CCND3: variants seen among roughly 807,000 people sequenced by gnomAD.
CCND3 encodes cyclin D3.
A neutral mutation model predicts 28.7 loss-of-function variants in CCND3; 9 were observed. That is an observed-to-expected ratio of 0.31 (90% CI 0.19 to 0.55). The LOEUF is 0.55. Among genes scored for constraint, CCND3 ranks in the 20% least tolerant of loss-of-function variants. The pLI, the probability that CCND3 is intolerant of heterozygous loss-of-function variation, is 0.93. For missense variants in CCND3, 315 were observed against 385.8 expected (o/e 0.82, Z 1.54); for synonymous variants, 164 against 163.9 (o/e 1.00, Z 0.00).
intron 1 of CCND3, among the ~76,000 whole-genome samples, chr6:42,043,991 C>T (rs1299040067): frequency 6.6e-6 from 1 of 152,232 alleles, no homozygotes; most frequent in East Asian, 1.9e-4. Flanking sequence ...GTGTCATGCC[C>T]TCTGAAGGGC....
rs149279084 is a variant in CCND3 at position 41,937,309 on chromosome 6, C to T, written c.500G>A (p.Arg167Gln). Residue 167 changes from arginine (R) to glutamine (Q), a missense_variant, in exon 3 of 5, where the codon CGG becomes CAG. Transcript: ENST00000372991. Reference protein sequence around the residue: ...AHDFLAFILHRLSLPRDRQAL... With the variant: ...AHDFLAFILHQLSLPRDRQAL... Reference sequence around the variant, plus strand: ...CTGTCGGTCACGGGGCAGAGAGAGCCGGTGCAGAATGAAGGCCAGGAAATC... The same window carrying T: ...CTGTCGGTCACGGGGCAGAGAGAGCTGGTGCAGAATGAAGGCCAGGAAATC... 147 of 1,614,116 alleles carry T rather than the reference C, an allele frequency of 9.1e-5. No homozygotes were observed. Among genetic ancestry groups the T allele is most frequent in the Admixed American group, 2.3e-4 (14 of 60,026 alleles).
chr6:42,008,366 G>A (rs948224224), intron 1 of CCND3, among the ~76,000 whole-genome samples: 2 of 149,656 alleles, frequency 1.3e-5, no homozygotes, highest in Non-Finnish European at 3.0e-5. Context: ...CAACAAGAGC[G>A]AAACTCTGTC....
At chr6:42,008,744 T>C (rs1763251291) in intron 1 of CCND3, among the ~76,000 whole-genome samples, 1 of 152,316 alleles carries the variant, frequency 6.6e-6, no homozygotes, top group Admixed American at 6.5e-5. Context: ...TGGTTGGTTG[T>C]TTTTACAGAA....
chr6:42,011,931 C>G (rs922911784), intron 1 of CCND3, among the ~76,000 whole-genome samples: 4 of 152,142 alleles, frequency 2.6e-5, no homozygotes, highest in Non-Finnish European at 5.9e-5. Flanking sequence ...AGCAAGGTAG[C>G]CTTTCCATGC....
chr6:41,955,664 A>AG (rs1453276102), intron 1 of CCND3, among the ~76,000 whole-genome samples: 2 of 151,770 alleles, frequency 1.3e-5, no homozygotes, highest in Non-Finnish European at 2.9e-5. Flanking sequence ...AAAAAAAAAA[A>AG]AAAAATTAGC....
intron 1 of CCND3, among the ~76,000 whole-genome samples, chr6:41,994,697 C>T (rs1385487757): frequency 6.6e-6 from 1 of 152,062 alleles, no homozygotes; most frequent in Non-Finnish European, 1.5e-5. Flanking sequence ...GTGAGGGAAG[C>T]TGTGCATGTA....
chr6:41,937,081 TA>T, intron 3 of CCND3, 153 bp downstream of exon 3: 1 of 791,296 alleles, frequency 1.3e-6, no homozygotes, highest in Non-Finnish European at 2.1e-6. Context: ...TAGCTGATTA[TA>T]ACCTGCTTTT....
At chr6:42,000,990 C>T (rs1018397339) in intron 1 of CCND3, among the ~76,000 whole-genome samples, 1 of 151,624 alleles carries the variant, frequency 6.6e-6, no homozygotes, top group Non-Finnish European at 1.5e-5. Context: ...TATCCCAGTA[C>T]TTTGGGAGGC....
intron 1 of CCND3, among the ~76,000 whole-genome samples, chr6:42,025,443 A>C (rs973162911): frequency 1.3e-5 from 2 of 152,230 alleles, no homozygotes; most frequent in African/African-American, 4.8e-5. Flanking sequence ...GATCCCATCC[A>C]ACCTGGAACA....
At chr6:42,007,407 G>A (rs1314430405) in intron 1 of CCND3, among the ~76,000 whole-genome samples, 1 of 152,256 alleles carries the variant, frequency 6.6e-6, no homozygotes, top group East Asian at 1.9e-4. Flanking sequence ...CAAGGGCTTA[G>A]TCAAGGACTG....
chr6:41,991,896 T>G (rs1762658708), intron 1 of CCND3, among the ~76,000 whole-genome samples: 1 of 152,224 alleles, frequency 6.6e-6, no homozygotes, highest in Non-Finnish European at 1.5e-5. Flanking sequence ...TGTCCTCAGT[T>G]TCATCCACGG....
Position 41,974,186 on chromosome 6 carries a change from GAAACA to G in CCND3, c.-45-33606_-45-33602del, listed in dbSNP as rs373543864. ...TAACAGAGCAAGACTCTGTCTCGAA[GAAACA>G]AAACAAAACAAAACAAGAACAGTGC... On this transcript the variant is annotated intron_variant, in intron 1 of 4. Transcript: ENST00000372988. 6.0e-4 allele frequency among the ~76,000 whole-genome samples: 92 copies of G among 152,180 alleles called. 1 individual carries two copies. The highest frequency in any genetic ancestry group is 4.2e-3 in the Admixed American group (64 of 15,268).
chr6:42,008,733 T>A (rs7756304), intron 1 of CCND3, among the ~76,000 whole-genome samples: 149,468 of 152,320 alleles, frequency 0.98, 73,404 homozygotes, highest in East Asian at 1. Flanking sequence ...TTATGGTTTT[T>A]TGGTTGGTTG....
chr6:42,002,657 C>T (rs568143412), intron 1 of CCND3, among the ~76,000 whole-genome samples: 5 of 150,478 alleles, frequency 3.3e-5, no homozygotes, highest in African/African-American at 1.2e-4. Context: ...TTGAGACCAT[C>T]CTGGCTAACG....
chr6:41,971,314 G>A (rs1762026329), intron 1 of CCND3, among the ~76,000 whole-genome samples: 1 of 152,024 alleles, frequency 6.6e-6, no homozygotes, highest in Admixed American at 6.6e-5. Flanking sequence ...TTAGAGACAG[G>A]GTGTAACTAC....
At chr6:41,964,397 T>C (rs1761805482) in intron 1 of CCND3, among the ~76,000 whole-genome samples, 1 of 150,848 alleles carries the variant, frequency 6.6e-6, no homozygotes, top group African/African-American at 2.4e-5. Flanking sequence ...TGTGTGCATG[T>C]GTGAATGTGT....
chr6:42,044,783 T>TTTATTTATTTATTTATTTATTTA (rs144260165), intron 1 of CCND3, among the ~76,000 whole-genome samples: 8 of 143,032 alleles, frequency 5.6e-5, no homozygotes, highest in African/African-American at 2.1e-4. Flanking sequence ...CTTTCTTTCC[T>TTTATTTATTTATTTATTTATTTA]TTTATTTATT....
chr6:42,019,138 T>C (rs1451709473), intron 1 of CCND3, among the ~76,000 whole-genome samples: 6 of 152,022 alleles, frequency 3.9e-5, no homozygotes, highest in Non-Finnish European at 7.4e-5. Flanking sequence ...ATGGATTCAG[T>C]TTGTATAATG....
intron 1 of CCND3, among the ~76,000 whole-genome samples, chr6:41,958,818 A>G (rs1253844112): frequency 1.3e-5 from 2 of 152,236 alleles, no homozygotes; most frequent in East Asian, 3.8e-4. Context: ...CTCAGTTCGG[A>G]AACAAGTGTT....
Sources: gnomAD v4.1 joint callset for allele counts (sites outside exome capture counted in the v4.1 genomes callset) on GRCh38, gnomAD v4.1.1 for gene constraint, MANE v1.5 for transcripts, NCBI Gene and HGNC (gene_info 2026-07-23, HGNC 2026-07-21) for gene names.